Variants in MAP4K4 observed in about 807,000 individuals in gnomAD.
The protein encoded by MAP4K4 is mitogen-activated protein kinase kinase kinase kinase 4, also known as HPK/GCK-like kinase HGK.
A neutral mutation model predicts 189.6 loss-of-function variants in MAP4K4; 38 were observed. The ratio of observed to expected loss-of-function variants is 0.20; its 90% confidence interval spans 0.15 to 0.26. MAP4K4 has a LOEUF of 0.26. Among genes scored for constraint, MAP4K4 ranks in the 10% least tolerant of loss-of-function variants. MAP4K4 has a pLI of 1.00. For synonymous variants in MAP4K4, 610 were observed against 624.3 expected, an observed-to-expected ratio of 0.98 and a Z score of 0.34; for missense variants, 1,054 against 1,726.9, an observed-to-expected ratio of 0.61 and a Z score of 6.91.
chr2:101,876,758 G>C (rs1409290811), intron 26 of MAP4K4, among the ~76,000 whole-genome samples: 5 of 152,096 alleles, frequency 3.3e-5, no homozygotes, highest in African/African-American at 1.2e-4. Flanking sequence ...ATGGGATGAG[G>C]GTTTCTTGTT....
intron 2 of MAP4K4, among the ~76,000 whole-genome samples, chr2:101,710,012 G>C (rs2044521932): frequency 6.6e-6 from 1 of 152,168 alleles, no homozygotes; most frequent in Non-Finnish European, 1.5e-5. Context: ...GAATACTGTT[G>C]ACTACCAGAG....
At chr2:101,759,092 C>T (rs145795249) in intron 2 of MAP4K4, among the ~76,000 whole-genome samples, 4,620 of 149,778 alleles carry the variant, frequency 0.031, 247 homozygotes, top group African/African-American at 0.11. Flanking sequence ...GAGATCGCGT[C>T]ACTGCACTCC....
chr2:101,792,252 C>T (rs892227965), intron 3 of MAP4K4, among the ~76,000 whole-genome samples: 1 of 152,086 alleles, frequency 6.6e-6, no homozygotes, highest in African/African-American at 2.4e-5. Context: ...ACGGTCTTTG[C>T]ATATTTATTA....
At chr2:101,834,228 C>CCCTCCCTCCCTCCCTT (rs1553518888) in intron 7 of MAP4K4, among the ~76,000 whole-genome samples, 181 bp from the exon 8 acceptor site, 4 of 130,152 alleles carry the variant, frequency 3.1e-5, no homozygotes, top group Non-Finnish European at 6.5e-5. Context: ...ATCCCTCCAT[C>CCCTCCCTCCCTCCCTT]CCTCCCTTCC....
At chr2:101,795,543 C>T (rs1016785255) in intron 3 of MAP4K4, among the ~76,000 whole-genome samples, 5 of 152,158 alleles carry the variant, frequency 3.3e-5, no homozygotes, top group African/African-American at 7.2e-5. Context: ...TGACGTGCCA[C>T]TATTAGTTTT....
At chr2:101,785,732 CTCTCTCT>C in intron 2 of MAP4K4, among the ~76,000 whole-genome samples, 1 of 8,620 alleles carries the variant, frequency 1.2e-4, no homozygotes, top group Non-Finnish European at 1.9e-4. Context: ...CTCTCTCTCT[CTCTCTCT>C]CTCTCTCTCT....
chr2:101,778,618 G>A (rs1348714096), intron 2 of MAP4K4, among the ~76,000 whole-genome samples: 3 of 152,084 alleles, frequency 2.0e-5, no homozygotes, highest in Non-Finnish European at 4.4e-5. Flanking sequence ...AAGAGGAGTC[G>A]GAGAGGATCT....
At chr2:101,759,494 TCCTCCCCTCTCC>T (rs1222171601) in intron 2 of MAP4K4, among the ~76,000 whole-genome samples, 3 of 23,586 alleles carry the variant, frequency 1.3e-4, no homozygotes, top group Non-Finnish European at 2.4e-4. Context: ...CCCTCCCCTC[TCCTCCCCTCTCC>T]CCTCCCCTCC....
At chr2:101,824,856 A>G (rs1237024120) in intron 4 of MAP4K4, among the ~76,000 whole-genome samples, 5 of 152,214 alleles carry the variant, frequency 3.3e-5, no homozygotes, top group African/African-American at 9.6e-5. Context: ...TAAAAATTGT[A>G]TAACTGCTTA....
chr2:101,705,138 T>C (rs552115459), intron 2 of MAP4K4, among the ~76,000 whole-genome samples: 28 of 152,330 alleles, frequency 1.8e-4, no homozygotes, highest in African/African-American at 6.7e-4. Flanking sequence ...AACTTTGTTA[T>C]CTAGATAGCA....
chr2:101,755,656 C>T (rs1022025653), intron 2 of MAP4K4, among the ~76,000 whole-genome samples: 3 of 151,970 alleles, frequency 2.0e-5, no homozygotes, highest in African/African-American at 4.8e-5. Context: ...TGCATTAATC[C>T]GCTCTCCCTC....
chr2:101,780,193 G>C (rs1314255716), intron 2 of MAP4K4, among the ~76,000 whole-genome samples: 2 of 152,228 alleles, frequency 1.3e-5, no homozygotes, highest in Non-Finnish European at 2.9e-5. Context: ...ATTGAAGGTT[G>C]AGTTGGTAGT....
At chr2:101,719,634 G>C (rs2050519982) in intron 2 of MAP4K4, among the ~76,000 whole-genome samples, 1 of 152,160 alleles carries the variant, frequency 6.6e-6, no homozygotes, top group Non-Finnish European at 1.5e-5. Context: ...TTGATTATGT[G>C]GTCTCTCTTG....
chr2:101,743,619 A>G (rs2063814478), intron 2 of MAP4K4, among the ~76,000 whole-genome samples: 1 of 151,618 alleles, frequency 6.6e-6, no homozygotes, highest in African/African-American at 2.4e-5. Context: ...GGGGGAAAAT[A>G]CCTCTACATT....
chr2:101,802,128 C>T (rs1368830069), intron 3 of MAP4K4, among the ~76,000 whole-genome samples: 1 of 152,152 alleles, frequency 6.6e-6, no homozygotes, highest in Non-Finnish European at 1.5e-5. Context: ...GTCTGATGGT[C>T]TCCTCATAGT....
intron 16 of MAP4K4, 36 bp from the exon 17 acceptor site, chr2:101,863,785 A>G (rs2097738573): frequency 1.5e-6 from 2 of 1,318,220 alleles, no homozygotes; most frequent in Non-Finnish European, 2.0e-6. Flanking sequence ...TTTATGCAGA[A>G]CGCATTGAAT....
chr2:101,756,029 C>T (rs2072548435), intron 2 of MAP4K4, among the ~76,000 whole-genome samples: 1 of 149,264 alleles, frequency 6.7e-6, no homozygotes, highest in Admixed American at 6.8e-5. Flanking sequence ...CAAGCTCCGC[C>T]TCCCAGGTTT....
intron 2 of MAP4K4, among the ~76,000 whole-genome samples, chr2:101,741,808 A>G (rs950235540): frequency 2.6e-5 from 4 of 152,172 alleles, no homozygotes; most frequent in Non-Finnish European, 5.9e-5. Flanking sequence ...CCTTTGTGAA[A>G]GTTATTTTTC....
intron 2 of MAP4K4, among the ~76,000 whole-genome samples, chr2:101,734,283 C>G (rs2059563760): frequency 6.6e-6 from 1 of 152,128 alleles, no homozygotes; most frequent in South Asian, 2.1e-4. Flanking sequence ...ATGTGCACCT[C>G]CCCTCATTTT....
Sources: allele counts gnomAD v4.1 joint callset (sites outside exome capture counted in the v4.1 genomes callset), GRCh38; gene constraint gnomAD v4.1.1; transcripts MANE v1.5; gene names NCBI Gene and HGNC (gene_info 2026-07-23, HGNC 2026-07-21).